Variants in GPBP1L1 observed in about 807,000 individuals in gnomAD.
GPBP1L1 encodes vasculin-like protein 1.
In GPBP1L1, 23 loss-of-function variants were observed where a neutral mutation model predicts 52.5. The ratio of observed to expected loss-of-function variants is 0.44; its 90% CI spans 0.32 to 0.62. GPBP1L1 has a LOEUF of 0.62. GPBP1L1 is among the 20% of genes least tolerant of loss of function. GPBP1L1 has a pLI of 0.06. For missense variants in GPBP1L1, 596 were observed against 579.3 expected (o/e 1.03, Z -0.30); for synonymous variants, 243 against 203.1 (o/e 1.20, Z -1.67).
chr1:45,643,419 C>A (rs754300120), intron 6 of GPBP1L1, among the ~76,000 whole-genome samples: 20 of 152,122 alleles, frequency 1.3e-4, no homozygotes, highest in Non-Finnish European at 2.4e-4. Context: ...TATCAACTTA[C>A]AACCGTCACT....
chr1:45,658,517 G>C (rs2148478536), intron 4 of GPBP1L1, among the ~76,000 whole-genome samples: 1 of 152,304 alleles, frequency 6.6e-6, no homozygotes, highest in East Asian at 1.9e-4. Flanking sequence ...GAGATACTTG[G>C]CAGTAATAAG....
chr1:45,642,381 GA>G (rs1456070708), intron 7 of GPBP1L1, 45 bp downstream of exon 7: 1 of 1,332,970 alleles, frequency 7.5e-7, no homozygotes, highest in Admixed American at 1.8e-5. Context: ...TCCCTGCTAA[GA>G]AAAAATTTTA....
intron 8 of GPBP1L1, among the ~76,000 whole-genome samples, chr1:45,637,827 CTTA>C (rs1294072362): frequency 2.0e-5 from 3 of 152,006 alleles, no homozygotes; most frequent in African/African-American, 2.4e-5. Context: ...TTTATTGGCA[CTTA>C]TTATATGCCA....
At chr1:45,673,827 C>T (rs1285782067) in intron 2 of GPBP1L1, among the ~76,000 whole-genome samples, 1 of 152,180 alleles carries the variant, frequency 6.6e-6, no homozygotes, top group Non-Finnish European at 1.5e-5. Context: ...CCACTGCACT[C>T]CAGGCCAGGC....
At chr1:45,630,459 C>A in intron 11 of GPBP1L1, 23 bp downstream of exon 11, 2 of 1,612,734 alleles carry the variant, frequency 1.2e-6, no homozygotes. Flanking sequence ...CACTGCATGC[C>A]CTGTGATGTC....
intron 2 of GPBP1L1, among the ~76,000 whole-genome samples, chr1:45,680,713 C>A (rs1168679279): frequency 6.6e-6 from 1 of 152,122 alleles, no homozygotes; most frequent in Non-Finnish European, 1.5e-5. Flanking sequence ...TATTTCACCC[C>A]TTTTTGTCCC....
intron 8 of GPBP1L1, chr1:45,635,414 C>T (rs1294624629): frequency 6.6e-6 from 1 of 152,146 alleles, no homozygotes; most frequent in African/African-American, 2.4e-5. Context: ...GTGGCTTCCC[C>T]TGAGTTGTAG....
At chr1:45,636,702 A>T (rs1021531148) in intron 8 of GPBP1L1, among the ~76,000 whole-genome samples, 5 of 152,246 alleles carry the variant, frequency 3.3e-5, no homozygotes, top group African/African-American at 1.2e-4. Flanking sequence ...TATTCCAAGT[A>T]CTTGCTCCAA....
chr1:45,651,193 T>C (rs1644815045), intron 6 of GPBP1L1: 2 of 468,774 alleles, frequency 4.3e-6, no homozygotes, highest in Non-Finnish European at 8.5e-6. Flanking sequence ...CAAACCTCCT[T>C]TGTCTTCCAA....
chr1:45,665,058 G>T (rs973173372), intron 2 of GPBP1L1, among the ~76,000 whole-genome samples: 2 of 152,028 alleles, frequency 1.3e-5, no homozygotes, highest in Admixed American at 1.3e-4. Flanking sequence ...GGAGGCCAAG[G>T]GGGTTGGATC....
chr1:45,639,774 G>A (rs565292303), intron 8 of GPBP1L1, among the ~76,000 whole-genome samples: 1 of 152,012 alleles, frequency 6.6e-6, no homozygotes, highest in African/African-American at 2.4e-5. Flanking sequence ...CCAGCTACTC[G>A]GGAGGCTGAG....
Position 45,660,657 on chromosome 1 carries a change from T to C in GPBP1L1, c.-529A>G, listed in dbSNP as rs1347703466. On this transcript the variant is annotated 5_prime_UTR_variant, in exon 3 of 13. Coordinates refer to ENST00000355105, the MANE Select transcript of GPBP1L1 (RefSeq NM_021639.5). ...TCATCAAGGTAATAGATCAAAAATA[T>C]TAAAGCCCTATAAAAGATCTGAGCA... is the stretch of plus-strand genomic sequence containing the variant. The C allele has an allele frequency of 1.6e-6, 1 of 607,820 alleles. No individual in the cohort carries two copies. Among genetic ancestry groups the C allele is most frequent in the East Asian group, 1.4e-4 (1 of 7,074 alleles). The allele number at this position is 607,820 out of a possible 1,614,324, so 37.7% of individuals were successfully genotyped here.
At chr1:45,644,483 G>C (rs1644715318) in intron 6 of GPBP1L1, among the ~76,000 whole-genome samples, 1 of 151,682 alleles carries the variant, frequency 6.6e-6, no homozygotes, top group South Asian at 2.1e-4. Context: ...AACATTACCA[G>C]ACAAACCAGA....
intron 4 of GPBP1L1, among the ~76,000 whole-genome samples, chr1:45,658,513 C>A (rs1243440506): frequency 1.3e-5 from 2 of 152,158 alleles, no homozygotes; most frequent in Non-Finnish European, 2.9e-5. Flanking sequence ...AAGTGAGATA[C>A]TTGGCAGTAA....
At chr1:45,657,423 C>T (rs1401268556) in intron 4 of GPBP1L1, among the ~76,000 whole-genome samples, 1 of 152,126 alleles carries the variant, frequency 6.6e-6, no homozygotes, top group Non-Finnish European at 1.5e-5. Flanking sequence ...GTAATCCCAG[C>T]TACCTGGGAG....
At chr1:45,678,461 G>A (rs1288868289) in intron 2 of GPBP1L1, among the ~76,000 whole-genome samples, 1 of 152,146 alleles carries the variant, frequency 6.6e-6, no homozygotes. Context: ...ACCAATCTTA[G>A]CATTACAATG....
intron 6 of GPBP1L1, among the ~76,000 whole-genome samples, chr1:45,646,788 A>C (rs1229859770): frequency 6.6e-6 from 1 of 151,444 alleles, no homozygotes; most frequent in Non-Finnish European, 1.5e-5. Context: ...CGATCTCCTG[A>C]CCTCGTGATC....
chr1:45,686,944 TTCACCC>T (rs1353356268), upstream of GPBP1L1: 1 of 152,404 alleles, frequency 6.6e-6, no homozygotes, highest in East Asian at 1.9e-4. Context: ...CCCTTTTTTC[TTCACCC>T]TCCCACAGCC....
chr1:45,632,097 A>G (rs964131268), intron 10 of GPBP1L1, among the ~76,000 whole-genome samples: 1 of 152,176 alleles, frequency 6.6e-6, no homozygotes, highest in Admixed American at 6.5e-5. Context: ...ATACTCTTTC[A>G]TCCTCACAGG....
Sources: allele counts gnomAD v4.1 joint callset (sites outside exome capture counted in the v4.1 genomes callset), GRCh38; gene constraint gnomAD v4.1.1; transcripts MANE v1.5; gene names NCBI Gene and HGNC (gene_info 2026-07-23, HGNC 2026-07-21).